SGCZ: variants seen among roughly 807,000 people sequenced by gnomAD.
The protein encoded by SGCZ is sarcoglycan zeta.
Under a neutral mutation model 41.3 loss-of-function variants are expected in SGCZ, and 40 were observed. The observed-to-expected ratio is 0.97, with a 90% confidence interval of 0.75 to 1.26. SGCZ has a LOEUF of 1.26. SGCZ is among the 50% of genes most tolerant of loss of function. The pLI, the probability that SGCZ is intolerant of heterozygous loss-of-function variation, is 0.00. For synonymous variants in SGCZ, 206 were observed against 137.5 expected (o/e 1.50, Z -3.49); for missense variants, 552 against 369.8 (o/e 1.49, Z -4.04).
intron 1 of SGCZ, among the ~76,000 whole-genome samples, chr8:15,172,425 G>A (rs1486747276): frequency 6.6e-6 from 1 of 151,834 alleles, no homozygotes; most frequent in Non-Finnish European, 1.5e-5. Context: ...CTCCCAAAGT[G>A]CTGGGTCTAT....
At chr8:14,268,471 G>C (rs1485478376) in intron 3 of SGCZ, among the ~76,000 whole-genome samples, 2 of 151,452 alleles carry the variant, frequency 1.3e-5, no homozygotes, top group Admixed American at 6.6e-5. Context: ...GTTAATACTT[G>C]CATATTTGCT....
At chr8:14,755,444 C>T (rs569695978) in intron 1 of SGCZ, among the ~76,000 whole-genome samples, 19 of 151,970 alleles carry the variant, frequency 1.3e-4, no homozygotes, top group South Asian at 8.3e-4. Flanking sequence ...TTTCATAAAA[C>T]GCGGGAAAAC....
chr8:14,315,559 G>A (rs1801687605), intron 3 of SGCZ, among the ~76,000 whole-genome samples: 2 of 151,782 alleles, frequency 1.3e-5, no homozygotes. Flanking sequence ...AACTACTTTT[G>A]AATAAGAAGA....
At chr8:14,753,194 T>A (rs928256995) in intron 1 of SGCZ, among the ~76,000 whole-genome samples, 2 of 152,166 alleles carry the variant, frequency 1.3e-5, no homozygotes, top group African/African-American at 2.4e-5. Context: ...CCCACCATTA[T>A]CTCTCTGTCT....
At chr8:14,754,716 T>C (rs955889237) in intron 1 of SGCZ, among the ~76,000 whole-genome samples, 1 of 152,122 alleles carries the variant, frequency 6.6e-6, no homozygotes, top group Non-Finnish European at 1.5e-5. Flanking sequence ...ATATAGTTTG[T>C]TTTTGTTTTG....
chr8:14,405,018 C>T (rs1799173389), intron 2 of SGCZ, among the ~76,000 whole-genome samples: 1 of 152,198 alleles, frequency 6.6e-6, no homozygotes, highest in Non-Finnish European at 1.5e-5. Context: ...CCTGGTGAGG[C>T]AGCTGCCAAA....
At chr8:14,542,633 T>C (rs1803505056) in intron 2 of SGCZ, among the ~76,000 whole-genome samples, 1 of 152,132 alleles carries the variant, frequency 6.6e-6, no homozygotes, top group East Asian at 1.9e-4. Context: ...GTGGACTCTC[T>C]TAAACCAAAT....
intron 1 of SGCZ, among the ~76,000 whole-genome samples, chr8:14,696,878 A>G (rs1173341744): frequency 2.0e-5 from 3 of 152,078 alleles, no homozygotes; most frequent in South Asian, 4.1e-4. Flanking sequence ...ATATACTTTT[A>G]AAGTCCAGAA....
chr8:14,497,078 C>T (rs6530782), intron 2 of SGCZ, among the ~76,000 whole-genome samples: 75,952 of 151,730 alleles, frequency 0.5, 19,189 homozygotes, highest in Admixed American at 0.56. Context: ...CTGTAAATAG[C>T]CTCCTTATGA....
At chr8:14,115,559 C>T (rs1205085712) in intron 5 of SGCZ, among the ~76,000 whole-genome samples, 1 of 151,968 alleles carries the variant, frequency 6.6e-6, no homozygotes, top group East Asian at 1.9e-4. Flanking sequence ...CTTAATCCAG[C>T]AGTATATTTT....
At chr8:14,749,073 T>C (rs1448275376) in intron 1 of SGCZ, among the ~76,000 whole-genome samples, 1 of 152,172 alleles carries the variant, frequency 6.6e-6, no homozygotes, top group Non-Finnish European at 1.5e-5. Flanking sequence ...TTCTAATAGG[T>C]TAGCTCATTA....
At chr8:14,347,038 G>A (rs1386677681) in intron 2 of SGCZ, among the ~76,000 whole-genome samples, 1 of 151,978 alleles carries the variant, frequency 6.6e-6, no homozygotes, top group Non-Finnish European at 1.5e-5. Context: ...GAAAACTAAT[G>A]CATCTGTCCT....
chr8:14,224,449 G>C (rs1806303540), intron 4 of SGCZ, among the ~76,000 whole-genome samples: 1 of 152,166 alleles, frequency 6.6e-6, no homozygotes, highest in African/African-American at 2.4e-5. Flanking sequence ...CAGTGAGTTG[G>C]AAAATCCTTT....
At chr8:14,351,033 G>C (rs1355892903) in intron 2 of SGCZ, among the ~76,000 whole-genome samples, 1 of 152,034 alleles carries the variant, frequency 6.6e-6, no homozygotes, top group Non-Finnish European at 1.5e-5. Flanking sequence ...TGTACAACTT[G>C]ACTGCTTGTT....
intron 1 of SGCZ, among the ~76,000 whole-genome samples, chr8:14,579,987 G>T (rs1804834638): frequency 6.6e-6 from 1 of 152,150 alleles, no homozygotes; most frequent in Admixed American, 6.6e-5. Context: ...ATGATTTAAG[G>T]AGCAGTTAAC....
At chr8:14,680,702 T>C (rs1808414613) in intron 1 of SGCZ, among the ~76,000 whole-genome samples, 2 of 149,846 alleles carry the variant, frequency 1.3e-5, no homozygotes, top group South Asian at 4.2e-4. Flanking sequence ...ATATAATTAG[T>C]GAAAAAATAC....
At chr8:14,844,983 T>A (rs1678208858) in intron 1 of SGCZ, among the ~76,000 whole-genome samples, 1 of 151,366 alleles carries the variant, frequency 6.6e-6, no homozygotes, top group African/African-American at 2.4e-5. Context: ...TGGCTGAGAG[T>A]TTAGGTGGAA....
intron 1 of SGCZ, among the ~76,000 whole-genome samples, chr8:14,860,396 A>G (rs907920364): frequency 6.6e-6 from 1 of 151,750 alleles, no homozygotes; most frequent in Admixed American, 6.6e-5. Context: ...CTGGGTTTTA[A>G]CTTCAGAAGA....
At chr8:14,733,822 TAGAA>T (rs1798944208) in intron 1 of SGCZ, among the ~76,000 whole-genome samples, 1 of 152,296 alleles carries the variant, frequency 6.6e-6, no homozygotes, top group South Asian at 2.1e-4. Flanking sequence ...TGCTACAAAA[TAGAA>T]TAAATCCTAA....
Sources: allele counts gnomAD v4.1 joint callset (sites outside exome capture counted in the v4.1 genomes callset), GRCh38; gene constraint gnomAD v4.1.1; transcripts MANE v1.5; gene names NCBI Gene and HGNC (gene_info 2026-07-23, HGNC 2026-07-21).